The following NXPH1 variants were observed in gnomAD, a reference collection of about 807,000 sequenced individuals.
NXPH1 encodes the protein neurexophilin 1.
In NXPH1, 5 loss-of-function variants were observed where a neutral mutation model predicts 23.7. That is an observed-to-expected ratio of 0.21 (90% CI 0.11 to 0.44). NXPH1 has a LOEUF of 0.44. Among genes scored for constraint, NXPH1 ranks in the 20% least tolerant of loss-of-function variants. The pLI, the probability that NXPH1 is intolerant of heterozygous loss-of-function variation, is 0.99. For synonymous variants in NXPH1, 144 were observed against 122.2 expected (o/e 1.18, Z -1.18); for missense variants, 324 against 321.6 (o/e 1.01, Z -0.06).
At chr7:8,443,246 G>A (rs978056889) in intron 2 of NXPH1, among the ~76,000 whole-genome samples, 1 of 152,230 alleles carries the variant, frequency 6.6e-6, no homozygotes, top group East Asian at 1.9e-4. Flanking sequence ...CTCAGTGGTT[G>A]CGGCGTCACG....
At chr7:8,738,090 G>T (rs1314724702) in intron 2 of NXPH1, among the ~76,000 whole-genome samples, 1 of 152,098 alleles carries the variant, frequency 6.6e-6, no homozygotes, top group Non-Finnish European at 1.5e-5. Flanking sequence ...TGCTCCTTTA[G>T]CTTGGGGGAG....
chr7:8,652,724 T>A (rs1287105513), intron 2 of NXPH1, among the ~76,000 whole-genome samples: 1 of 152,178 alleles, frequency 6.6e-6, no homozygotes, highest in East Asian at 1.9e-4. Context: ...TTCCTCATTA[T>A]CACACAGGTA....
chr7:8,504,462 G>GA (rs1331182664), intron 2 of NXPH1, among the ~76,000 whole-genome samples: 9 of 151,930 alleles, frequency 5.9e-5, no homozygotes, highest in Non-Finnish European at 5.9e-5. Context: ...ATTTTACTTA[G>GA]AAAAAATGTA....
At position 8,442,369 on chromosome 7, in the gene NXPH1, A is replaced by T. The variant is rs1192670220; in HGVS notation, c.54+6602A>T. On this transcript the variant is annotated intron_variant, in intron 2 of 2. Transcript: ENST00000405863. This position sits in a 1 kb window ranked among gnomAD's most constrained non-coding sequence, Gnocchi z 4.6. ...GCGGGAGCTCTGCGCGTCCCCGCTGAACCTGCCTCTGGCCGCGCCTCGCCA... is the reference window on the plus strand; with the variant it reads ...GCGGGAGCTCTGCGCGTCCCCGCTGTACCTGCCTCTGGCCGCGCCTCGCCA... Among the ~76,000 whole-genome samples, 6 of 152,160 alleles carry T rather than the reference A, an allele frequency of 3.9e-5. No homozygotes were observed. The highest frequency in any genetic ancestry group is 8.8e-5 in the Non-Finnish European group (6 of 68,020).
intron 2 of NXPH1, among the ~76,000 whole-genome samples, chr7:8,507,961 T>C (rs1391314302): frequency 6.6e-6 from 1 of 152,140 alleles, no homozygotes; most frequent in African/African-American, 2.4e-5. Flanking sequence ...AGCTGATTAA[T>C]GATAAAATCA....
chr7:8,544,506 A>G (rs969184667), intron 2 of NXPH1, among the ~76,000 whole-genome samples: 1 of 151,686 alleles, frequency 6.6e-6, no homozygotes, highest in Non-Finnish European at 1.5e-5. Flanking sequence ...GATGCTTGGC[A>G]TTTGAAATGA....
intron 2 of NXPH1, among the ~76,000 whole-genome samples, chr7:8,511,593 C>T (rs1393213304): frequency 6.6e-6 from 1 of 152,098 alleles, no homozygotes; most frequent in Non-Finnish European, 1.5e-5. Context: ...AAAGAAGAAG[C>T]TGCACATTGT....
At chr7:8,633,551 T>G (rs1454167459) in intron 2 of NXPH1, among the ~76,000 whole-genome samples, 1 of 152,228 alleles carries the variant, frequency 6.6e-6, no homozygotes, top group Non-Finnish European at 1.5e-5. Flanking sequence ...ATACTGAATT[T>G]CAGCCTCAGT....
chr7:8,574,541 C>T (rs945458911), intron 2 of NXPH1, among the ~76,000 whole-genome samples: 1 of 152,138 alleles, frequency 6.6e-6, no homozygotes, highest in African/African-American at 2.4e-5. Flanking sequence ...CACATGAGTG[C>T]ATACCCACAA....
At position 8,678,884 on chromosome 7, in the gene NXPH1, C is replaced by A. The variant is rs552799943; in HGVS notation, c.55-72124C>A. The stretch of plus-strand genomic sequence containing the variant: ...TTTTATCCTTGCAGACCTCTCCTCT[C>A]TTAGTTTTGGTTCACTTTTCTAGAT... On this transcript the variant is annotated intron_variant, in intron 2 of 2. Transcript: ENST00000405863. Among the ~76,000 whole-genome samples the A allele has an allele frequency of 4.3e-5, 6 of 139,898 alleles. No individual in the cohort carries two copies. In the East Asian group the frequency reaches 1.2e-3, roughly 29 times the overall value. 91.8% of individuals were successfully genotyped at this position (139,898 alleles called of 152,430 possible).
chr7:8,576,029 G>T lies in NXPH1; in HGVS notation c.54+140262G>T, dbSNP rs1284728892. Among the ~76,000 whole-genome samples the T allele has an allele frequency of 2.0e-5, 3 of 152,108 alleles. No individual in the cohort carries two copies. In the East Asian group the frequency reaches 5.8e-4, roughly 29 times the overall value. ...AACTTCCCATCTCAATAGGGGATGG[G>T]TATACCTGCTTCTCTGATTGTCCAG... On this transcript the variant is annotated intron_variant, in intron 2 of 2. Transcript: ENST00000405863.
chr7:8,553,675 C>T (rs1394607661), intron 2 of NXPH1, among the ~76,000 whole-genome samples: 1 of 151,554 alleles, frequency 6.6e-6, no homozygotes, highest in Non-Finnish European at 1.5e-5. Flanking sequence ...ACTGTCTTTT[C>T]CTTACATCTT....
At chr7:8,750,014 C>T (rs866447390) in intron 2 of NXPH1, among the ~76,000 whole-genome samples, 6 of 152,288 alleles carry the variant, frequency 3.9e-5, no homozygotes, top group Middle Eastern at 3.4e-3. Flanking sequence ...GCATGTGACT[C>T]TCACAATCCA....
At chr7:8,513,066 A>G (rs768480079) in intron 2 of NXPH1, among the ~76,000 whole-genome samples, 5 of 152,090 alleles carry the variant, frequency 3.3e-5, no homozygotes, top group African/African-American at 1.2e-4. Flanking sequence ...CAATATGAGA[A>G]TTACTAAAAT....
At chr7:8,731,342 A>T (rs1000132567) in intron 2 of NXPH1, among the ~76,000 whole-genome samples, 2 of 151,964 alleles carry the variant, frequency 1.3e-5, no homozygotes, top group African/African-American at 2.4e-5. Context: ...CTCTCAGCTC[A>T]TCAAAGTCAT....
At chr7:8,465,289 C>A (rs545402768) in intron 2 of NXPH1, among the ~76,000 whole-genome samples, 1 of 152,118 alleles carries the variant, frequency 6.6e-6, no homozygotes, top group Admixed American at 6.5e-5. Flanking sequence ...CTGTTATAGC[C>A]CCCTTTCAGT....
At chr7:8,561,647 T>C (rs1436579495) in intron 2 of NXPH1, among the ~76,000 whole-genome samples, 1 of 151,574 alleles carries the variant, frequency 6.6e-6, no homozygotes, top group Non-Finnish European at 1.5e-5. Context: ...ACTTTTCTGC[T>C]AGACTAGTCC....
intron 2 of NXPH1, among the ~76,000 whole-genome samples, chr7:8,562,632 A>G (rs1216873827): frequency 1.3e-5 from 2 of 151,692 alleles, no homozygotes; most frequent in Non-Finnish European, 3.0e-5. Context: ...TGGAAACTTT[A>G]AAATAAATCT....
At chr7:8,480,258 A>G (rs950000236) in intron 2 of NXPH1, among the ~76,000 whole-genome samples, 2 of 152,168 alleles carry the variant, frequency 1.3e-5, no homozygotes, top group Non-Finnish European at 2.9e-5. Flanking sequence ...TTATAATTAA[A>G]AATTTGAAAA....
Sources: allele counts gnomAD v4.1 joint callset (sites outside exome capture counted in the v4.1 genomes callset), GRCh38; gene constraint gnomAD v4.1.1; non-coding constraint Gnocchi (gnomAD v3.1); transcripts MANE v1.5; gene names NCBI Gene and HGNC (gene_info 2026-07-23, HGNC 2026-07-21).